Variants in BLTP3B observed in about 807,000 individuals in gnomAD.
The protein encoded by BLTP3B is bridge-like lipid transfer protein family member 3B.
At chr12:100,048,863 T>C in the BLTP3B span, among the ~76,000 whole-genome samples, 3 of 150,740 alleles carry the variant, frequency 2.0e-5, no homozygotes, top group African/African-American at 7.3e-5. Flanking sequence ...AATTTATAGA[T>C]GGCCTAGAGA....
At chr12:100,137,465 C>T in the BLTP3B span, among the ~76,000 whole-genome samples, 1 of 151,936 alleles carries the variant, frequency 6.6e-6, no homozygotes, top group African/African-American at 2.4e-5. Flanking sequence ...TTTTTGAGAC[C>T]AGGTTATGAG....
chr12:100,111,102 C>T, the BLTP3B span, among the ~76,000 whole-genome samples: 2 of 152,030 alleles, frequency 1.3e-5, no homozygotes, highest in African/African-American at 2.4e-5. Flanking sequence ...AATTATAATA[C>T]ACTATATTAT....
chr12:100,038,963 G>A, the BLTP3B span, among the ~76,000 whole-genome samples: 5 of 151,990 alleles, frequency 3.3e-5, no homozygotes, highest in African/African-American at 1.2e-4. Flanking sequence ...GACACAGTAC[G>A]TTGTGACTAC....
At chr12:100,109,980 T>C in the BLTP3B span, among the ~76,000 whole-genome samples, 1 of 152,104 alleles carries the variant, frequency 6.6e-6, no homozygotes, top group Non-Finnish European at 1.5e-5. Flanking sequence ...CAACTAACAA[T>C]GAAAATACAT....
At chr12:100,119,675 A>C in the BLTP3B span, among the ~76,000 whole-genome samples, 9 of 152,216 alleles carry the variant, frequency 5.9e-5, no homozygotes, top group African/African-American at 1.9e-4. Context: ...AGGTGCAAAA[A>C]CAAGTCAATG....
the BLTP3B span, among the ~76,000 whole-genome samples, chr12:100,138,224 T>A: frequency 6.6e-6 from 1 of 152,220 alleles, no homozygotes; most frequent in Non-Finnish European, 1.5e-5. Flanking sequence ...ACTCTTCCAA[T>A]GAGATTCTAG....
At chr12:100,038,676 C>G in the BLTP3B span, among the ~76,000 whole-genome samples, 350 of 152,232 alleles carry the variant, frequency 2.3e-3, 8 homozygotes, top group East Asian at 0.04. Context: ...CCTCCACCAC[C>G]CTTTTAAGAC....
the BLTP3B span, among the ~76,000 whole-genome samples, chr12:100,069,702 CA>C: frequency 6.6e-6 from 1 of 151,704 alleles, no homozygotes; most frequent in African/African-American, 2.4e-5. Context: ...TTTGAGGACT[CA>C]GGGGGAAAGG....
chr12:100,048,119 C>T, the BLTP3B span: 2 of 1,612,498 alleles, frequency 1.2e-6, no homozygotes, highest in Non-Finnish European at 1.7e-6. Context: ...GAGTGTATTA[C>T]AGCACCAGGC....
chr12:100,117,235 G>A, the BLTP3B span, among the ~76,000 whole-genome samples: 1 of 152,156 alleles, frequency 6.6e-6, no homozygotes, highest in Non-Finnish European at 1.5e-5. Context: ...GTAAGAAAAT[G>A]GGGAAAAGAA....
At chr12:100,132,432 TA>T in the BLTP3B span, among the ~76,000 whole-genome samples, 3 of 152,108 alleles carry the variant, frequency 2.0e-5, no homozygotes, top group Non-Finnish European at 4.4e-5. Flanking sequence ...GTTCTTGCAG[TA>T]GTAAGTTCTC....
chr12:100,065,876 C>T, the BLTP3B span, among the ~76,000 whole-genome samples: 2 of 152,278 alleles, frequency 1.3e-5, no homozygotes, highest in Middle Eastern at 3.4e-3. Flanking sequence ...TTGTGACCTA[C>T]TCCCTGTTCA....
chr12:100,084,554 T>G, the BLTP3B span: 1 of 1,614,104 alleles, frequency 6.2e-7, no homozygotes, highest in Non-Finnish European at 8.5e-7. Context: ...ACAGCCTGTT[T>G]AAGCATTTCA....
the BLTP3B span, among the ~76,000 whole-genome samples, chr12:100,127,913 T>C: frequency 6.6e-6 from 1 of 152,106 alleles, no homozygotes; most frequent in African/African-American, 2.4e-5. Context: ...CTCTGGTGGC[T>C]GAAGCAGGAG....
the BLTP3B span, chr12:100,108,556 A>C: frequency 6.3e-7 from 1 of 1,598,774 alleles, no homozygotes; most frequent in African/African-American, 1.3e-5. Context: ...AATCTGAAAG[A>C]GAATACACAT....
the BLTP3B span, among the ~76,000 whole-genome samples, chr12:100,141,932 A>T: frequency 6.6e-6 from 1 of 152,352 alleles, no homozygotes; most frequent in South Asian, 2.1e-4. Context: ...AACCAAAAAA[A>T]AAAAATGTTC....
the BLTP3B span, among the ~76,000 whole-genome samples, chr12:100,091,362 A>AT: frequency 3.5e-4 from 51 of 145,056 alleles, no homozygotes; most frequent in African/African-American, 1.2e-3. Context: ...TAATTTTTGT[A>AT]TTTTTTTAGT....
chr12:100,079,812 GC>G, the BLTP3B span, among the ~76,000 whole-genome samples: 1 of 152,190 alleles, frequency 6.6e-6, no homozygotes, highest in Non-Finnish European at 1.5e-5. Context: ...CATGGGCCAG[GC>G]CCAGGCTCCC....
the BLTP3B span, among the ~76,000 whole-genome samples, chr12:100,080,714 T>C: frequency 2.0e-5 from 3 of 152,142 alleles, no homozygotes; most frequent in African/African-American, 7.2e-5. Flanking sequence ...AGACAGGACA[T>C]TGGACTGTGG....
Sources: allele counts gnomAD v4.1 joint callset (sites outside exome capture counted in the v4.1 genomes callset), GRCh38; gene constraint gnomAD v4.1.1; transcripts MANE v1.5; gene names NCBI Gene and HGNC (gene_info 2026-07-23, HGNC 2026-07-21).